ADAMTSL4: variants seen among roughly 807,000 people sequenced by gnomAD.
ADAMTSL4 encodes ADAMTS like 4.
A neutral mutation model predicts 122.8 loss-of-function variants in ADAMTSL4; 97 were observed. The observed-to-expected ratio is 0.79, with a 90% CI of 0.67 to 0.93. The LOEUF is 0.93. Among genes scored for constraint, ADAMTSL4 ranks in the 40% least tolerant of loss-of-function variants. The pLI is 0.00. For synonymous variants in ADAMTSL4, 592 were observed against 568.0 expected, an observed-to-expected ratio of 1.04 and a Z score of -0.60; for missense variants, 1,408 against 1,453.5, an observed-to-expected ratio of 0.97 and a Z score of 0.51.
chr1:150,556,754 G>A lies in ADAMTSL4; in HGVS notation c.1710G>A (p.Leu570=). Residue 570 remains leucine (L), a synonymous_variant, in exon 10 of 19, where the codon CTG becomes CTA. Transcript: ENST00000271643. This position sits in a 1 kb window ranked among gnomAD's most constrained non-coding sequence, Gnocchi z 4.1. The part of the protein sequence containing the change: ...PPREEGKGES[L]SAEGPTTQPV... ...GGGAGGAGGGCAAAGGGGAGAGTCT[G>A]TCGGCTGAAGGCCCCACCACCCAGC... The A allele has an allele frequency of 6.2e-7, 1 of 1,613,626 alleles. No homozygotes were observed. Among genetic ancestry groups the A allele is most frequent in the Non-Finnish European group, 8.5e-7 (1 of 1,179,646 alleles).
chr1:150,554,276 C>A lies in ADAMTSL4; in HGVS notation c.1132-89C>A. The A allele has an allele frequency of 6.8e-7, 1 of 1,473,572 alleles. No homozygotes were observed. Among genetic ancestry groups the A allele is most frequent in the Non-Finnish European group, 9.5e-7 (1 of 1,057,432 alleles). The allele number at this position is 1,473,572 out of a possible 1,614,324, so 91.3% of individuals were successfully genotyped here. On this transcript the variant is annotated intron_variant, in intron 6 of 18. Coordinates refer to ENST00000271643, the MANE Select transcript of ADAMTSL4 (RefSeq NM_019032.6). This position sits in a 1 kb window ranked among gnomAD's most constrained non-coding sequence, Gnocchi z 4.0. ...GGGGTCTTGGAGCTCTTCCGCTGACCTGAGCCTCCCACCTGCTCCCCAGGT... is the reference window on the plus strand; with the variant it reads ...GGGGTCTTGGAGCTCTTCCGCTGACATGAGCCTCCCACCTGCTCCCCAGGT...
intron 7 of ADAMTSL4, among the ~76,000 whole-genome samples, 195 bp from the exon 8 acceptor site, chr1:150,555,234 C>G (rs1560292113): frequency 6.6e-6 from 1 of 152,116 alleles, no homozygotes; most frequent in Non-Finnish European, 1.5e-5. Flanking sequence ...ATGATGCACC[C>G]ACCTCGGCCT....
chr1:150,557,760 A>T, intron 13 of ADAMTSL4, 137 bp downstream of exon 13: 1 of 1,341,628 alleles, frequency 7.5e-7, no homozygotes, highest in Non-Finnish European at 1.0e-6. Context: ...AAAGGCAGAC[A>T]TTCGGTAGGC....
Position 150,554,184 on chromosome 1 carries a change from G to C in ADAMTSL4, c.1131+62G>C. 1 of 1,577,626 alleles carries C rather than the reference G, an allele frequency of 6.3e-7. No individual in the cohort carries two copies. The highest frequency in any genetic ancestry group is 8.6e-7 in the Non-Finnish European group (1 of 1,162,960). On this transcript the variant is annotated intron_variant, in intron 6 of 18. Transcript: ENST00000271643. This position sits in a 1 kb window ranked among gnomAD's most constrained non-coding sequence, Gnocchi z 4.0. ...TCCAGTGTGGCTTCCCTGCCCTGAA[G>C]CTGGGTCTTCAGCTTCCGCTTGGCA...
chr1:150,552,634 C>G lies in ADAMTSL4; in HGVS notation c.78+34C>G. 1.3e-6 allele frequency: 2 copies of G among 1,596,328 alleles called. No homozygotes were observed. Among genetic ancestry groups the G allele is most frequent in the Non-Finnish European group, 1.7e-6 (2 of 1,171,900 alleles). The stretch of plus-strand genomic sequence containing the variant: ...TGGACAAGTGAGCAGCTGCAGCCTG[C>G]CTGCCACCCTTTCATCTCCCCCTAG... On this transcript the variant is annotated intron_variant, in intron 4 of 18. Coordinates refer to ENST00000271643, the MANE Select transcript of ADAMTSL4 (RefSeq NM_019032.6). This position sits in a 1 kb window ranked among gnomAD's most constrained non-coding sequence, Gnocchi z 4.0.
intron 2 of ADAMTSL4, chr1:150,551,086 C>T (rs1209128355): frequency 6.8e-6 from 3 of 440,950 alleles, no homozygotes; most frequent in South Asian, 4.8e-5. Flanking sequence ...GAGAGTCAGG[C>T]TTGGTGGCTG....
In ADAMTSL4 at chr1:150,553,714, C is replaced by T; in HGVS notation, c.723C>T (p.Ala241=). ...CTGAAACTGCTCAGACAGAGGTGGC[C>T]CCCAGAACCAGGCCTGCCCCCCTAC... is the stretch of plus-strand genomic sequence containing the variant. ...LSPETAQTEV[A]PRTRPAPLRH... is the part of the protein sequence containing the mutation. Residue 241 remains alanine (A), a synonymous_variant, in exon 6 of 19, where the codon GCC becomes GCT. Coordinates refer to ENST00000271643, the MANE Select transcript of ADAMTSL4 (RefSeq NM_019032.6). The T allele has an allele frequency of 6.2e-7, 1 of 1,613,196 alleles. No individual in the cohort carries two copies. Among genetic ancestry groups the T allele is most frequent in the Admixed American group, 1.7e-5 (1 of 59,944 alleles).
In ADAMTSL4 at chr1:150,559,799, G is replaced by A. The variant is rs777778729; in HGVS notation, c.2982G>A (p.Glu994=). The A allele has an allele frequency of 4.3e-6, 7 of 1,613,822 alleles. No homozygotes were observed. In the South Asian group the frequency reaches 4.4e-5, roughly 10 times the overall value. Residue 994 remains glutamate, a synonymous_variant, in exon 18 of 19, where the codon GAG becomes GAA. Transcript: ENST00000271643. This position sits in a 1 kb window ranked among gnomAD's most constrained non-coding sequence, Gnocchi z 4.1. ...GCCAAGGGGGAACGCAGACACGGGA[G>A]GTCCAGTGCCTGAGCACCAACCAGA... ...RSCQGGTQTR[E]VQCLSTNQTL...
rs765238440 is a variant in ADAMTSL4, at chr1:150,560,148, C to G, written c.3177C>G (p.Cys1059Trp). The G allele has an allele frequency of 6.2e-7, 1 of 1,614,096 alleles. No homozygotes were observed. Among genetic ancestry groups the G allele is most frequent in the South Asian group, 1.1e-5 (1 of 91,088 alleles). Reference protein sequence around the residue: ...CVYPYYTATCCRSCAHVLERS... With the variant: ...CVYPYYTATCWRSCAHVLERS... ...ACCCCTACTACACAGCCACCTGTTG[C>G]CGCTCTTGCGCACATGTCCTGGAGC... The change falls in exon 19 of 19, where the codon TGC becomes TGG. Residue 1059 changes from cysteine to tryptophan, a missense_variant. By Grantham distance (215) the Cys-to-Trp change is radical (BLOSUM62 -2). Transcript: ENST00000271643.
rs1345513601 is a variant in ADAMTSL4 at position 150,557,631 on chromosome 1, T to C, written c.2177+8T>C. On this transcript the variant is annotated splice_region_variant and intron_variant, in intron 13 of 18. Transcript: ENST00000271643. Reference sequence around the variant, plus strand: ...CACCCCATGCCCCCCATAGTGAGTATGGGGGAGCCCACGGGGAGGGTTAGG... The same window carrying C: ...CACCCCATGCCCCCCATAGTGAGTACGGGGGAGCCCACGGGGAGGGTTAGG... 6.3e-7 allele frequency: 1 copy of C among 1,599,142 alleles called. No individual in the cohort carries two copies. The highest frequency in any genetic ancestry group is 1.3e-5 in the African/African-American group (1 of 74,794).
chr1:150,552,874 T>C lies in ADAMTSL4; in HGVS notation c.79-24T>C, dbSNP rs750644116. The C allele has an allele frequency of 6.2e-7, 1 of 1,605,964 alleles. No individual in the cohort carries two copies. Among genetic ancestry groups the C allele is most frequent in the South Asian group, 1.1e-5 (1 of 90,984 alleles). ...CAGTTCCCTCTAATCCTTCCAATTC[T>C]GTCTGACCTTTTTCTCTATATAGGT... On this transcript the variant is annotated intron_variant, in intron 4 of 18. Coordinates refer to ENST00000271643, the MANE Select transcript of ADAMTSL4 (RefSeq NM_019032.6). The surrounding 1 kb of genome is among the most constrained non-coding windows in gnomAD (Gnocchi z 4.0).
In ADAMTSL4 at chr1:150,559,616, G is replaced by A. The variant is rs980629414; in HGVS notation, c.2944-145G>A. ...TGTCCTACTTCTTATAGACTTGGAG[G>A]AAAGATGGGCCCTCTCCATTTGGGA... is the stretch of plus-strand genomic sequence containing the variant. On this transcript the variant is annotated intron_variant, in intron 17 of 18. Coordinates refer to ENST00000271643, the MANE Select transcript of ADAMTSL4 (RefSeq NM_019032.6). This position sits in a 1 kb window ranked among gnomAD's most constrained non-coding sequence, Gnocchi z 4.1. The A allele has an allele frequency of 1.3e-6, 2 of 1,553,856 alleles. No individual in the cohort carries two copies. The highest frequency in any genetic ancestry group is 1.8e-6 in the Non-Finnish European group (2 of 1,141,088).
At chr1:150,555,822 C>T (rs979443739) in intron 8 of ADAMTSL4, 30 of 618,968 alleles carry the variant, frequency 4.8e-5, no homozygotes, top group Admixed American at 4.0e-4. Context: ...TGCACACACA[C>T]GTATGCAGAC....
At position 150,553,512 on chromosome 1, in the gene ADAMTSL4, A is replaced by C. The variant is rs2101577098; in HGVS notation, c.521A>C (p.His174Pro). 6.2e-7 allele frequency: 1 copy of C among 1,613,464 alleles called. No homozygotes were observed. Among genetic ancestry groups the C allele is most frequent in the Non-Finnish European group, 8.5e-7 (1 of 1,179,860 alleles). The change falls in exon 6 of 19, where the codon CAC becomes CCC. Residue 174 changes from histidine (H) to proline (P), a missense_variant. By Grantham distance (77) the His-to-Pro change is moderately conservative. Coordinates refer to ENST00000271643, the MANE Select transcript of ADAMTSL4 (RefSeq NM_019032.6). ...FALPLHRNRR[H>P]PRSPPRSELS... ...TTGCCACTGCACCGGAACCGCAGGC[A>C]CCCTCGGAGCCCACCCAGATCTGAG...
In ADAMTSL4 at chr1:150,560,083, C is replaced by T; in HGVS notation, c.3112C>T (p.Pro1038Ser). The stretch of plus-strand genomic sequence containing the variant: ...AGATGATCAATGCAAGGACAGCTCT[C>T]CACATTGCCCCCTGGTGGTACAGGC... ...RPDDQCKDSS[P>S]HCPLVVQARL... Residue 1038 changes from proline (P) to serine (S), a missense_variant, in exon 19 of 19, where the codon CCA becomes TCA. By Grantham distance (74) the Pro-to-Ser change is moderately conservative. Coordinates refer to ENST00000271643, the MANE Select transcript of ADAMTSL4 (RefSeq NM_019032.6). 1.9e-6 allele frequency: 3 copies of T among 1,614,126 alleles called. No homozygotes were observed. Among genetic ancestry groups the T allele is most frequent in the Non-Finnish European group, 2.5e-6 (3 of 1,180,024 alleles).
chr1:150,560,310 C>A lies in ADAMTSL4; in HGVS notation c.*114C>A. On this transcript the variant is annotated 3_prime_UTR_variant, in exon 19 of 19. Coordinates refer to ENST00000271643, the MANE Select transcript of ADAMTSL4 (RefSeq NM_019032.6). ...GTCCCAGTCTCAGCAGGGATGTCCT[C>A]CAGGTGACAGAGGGTGGCAAGGTGA... 1 of 1,488,046 alleles carries A rather than the reference C, an allele frequency of 6.7e-7. No individual in the cohort carries two copies. Among genetic ancestry groups the A allele is most frequent in the East Asian group, 2.4e-5 (1 of 40,952 alleles). 92.2% of individuals were successfully genotyped at this position (1,488,046 alleles called of 1,614,324 possible).
In ADAMTSL4 at chr1:150,552,798, A is replaced by C; in HGVS notation, c.79-100A>C. On this transcript the variant is annotated intron_variant, in intron 4 of 18. Transcript: ENST00000271643. The surrounding 1 kb of genome is among the most constrained non-coding windows in gnomAD (Gnocchi z 4.0). ...CCTCTGCTGCTGAATGTGACCTTGG[A>C]CTGGTAGCGACTCCGTGAGCCTCAG... The C allele has an allele frequency of 1.5e-6, 2 of 1,358,086 alleles. No homozygotes were observed. Among genetic ancestry groups the C allele is most frequent in the South Asian group, 2.3e-5 (2 of 85,452 alleles). The allele number at this position is 1,358,086 out of a possible 1,614,324, so 84.1% of individuals were successfully genotyped here.
At position 150,559,189 on chromosome 1, in the gene ADAMTSL4, C is replaced by G; in HGVS notation, c.2763+24C>G. 1 of 1,612,048 alleles carries G rather than the reference C, an allele frequency of 6.2e-7. No individual in the cohort carries two copies. Among genetic ancestry groups the G allele is most frequent in the Non-Finnish European group, 8.5e-7 (1 of 1,179,272 alleles). On this transcript the variant is annotated intron_variant, in intron 16 of 18. Transcript: ENST00000271643. This position sits in a 1 kb window ranked among gnomAD's most constrained non-coding sequence, Gnocchi z 4.1. ...AGGTAAGCTGAGCGCCTGCTGAGAG[C>G]AGGAAGGGGGTGCCAGTCCCAGTGG... is the stretch of plus-strand genomic sequence containing the variant.
At position 150,553,746 on chromosome 1, in the gene ADAMTSL4, A is replaced by G; in HGVS notation, c.755A>G (p.His252Arg). 1 of 1,610,470 alleles carries G rather than the reference A, an allele frequency of 6.2e-7. No individual in the cohort carries two copies. Among genetic ancestry groups the G allele is most frequent in the Non-Finnish European group, 8.5e-7 (1 of 1,178,712 alleles). ...ACCAGGCCTGCCCCCCTACGGCATC[A>G]CCCCAGAGCCCAGGCCTCTGGCACA... is the stretch of plus-strand genomic sequence containing the variant. ...PRTRPAPLRH[H>R]PRAQASGTEP... Residue 252 changes from histidine to arginine, a missense_variant, in exon 6 of 19, where the codon CAC (histidine) becomes CGC (arginine). His to Arg is a conservative substitution (Grantham distance 29). Coordinates refer to ENST00000271643, the MANE Select transcript of ADAMTSL4 (RefSeq NM_019032.6).
Sources: gnomAD v4.1 joint callset for allele counts (sites outside exome capture counted in the v4.1 genomes callset) on GRCh38, gnomAD v4.1.1 for gene constraint, Gnocchi (gnomAD v3.1) non-coding constraint, MANE v1.5 for transcripts, NCBI Gene and HGNC (gene_info 2026-07-23, HGNC 2026-07-21) for gene names.